The following PRX variants were observed in gnomAD, a reference collection of about 807,000 sequenced individuals.
PRX encodes the protein periaxin.
A neutral mutation model predicts 29.6 loss-of-function variants in PRX; 24 were observed. The ratio of observed to expected loss-of-function variants is 0.81; its 90% CI spans 0.59 to 1.14. The LOEUF is 1.14. Ranked by LOEUF, PRX falls within the 50% of genes most tolerant of loss-of-function variation. PRX has a pLI of 0.00. For missense variants in PRX, 1,838 were observed against 1,926.4 expected, an observed-to-expected ratio of 0.95 and a Z score of 0.86; for synonymous variants, 772 against 831.7, an observed-to-expected ratio of 0.93 and a Z score of 1.24.
chr19:40,401,487 GCA>G (rs1467914508), intron 5 of PRX, among the ~76,000 whole-genome samples: 1 of 152,128 alleles, frequency 6.6e-6, no homozygotes, highest in African/African-American at 2.4e-5. Flanking sequence ...CAGCAGTTCA[GCA>G]CAGTCAATTC....
Position 40,394,484 on chromosome 19 carries a change from C to T in PRX, c.3868G>A (p.Glu1290Lys), listed in dbSNP as rs773955274. ...CCCTCCCCCTCTGCCACCTGGTACTCGGCATGGTTGCCCCCGGATGGCGAG... is the reference window on the plus strand; with the variant it reads ...CCCTCCCCCTCTGCCACCTGGTACTTGGCATGGTTGCCCCCGGATGGCGAG... ...ELSPSGGNHA[E>K]YQVAEGEGEA... Residue 1290 changes from glutamate to lysine, a missense_variant, in exon 7 of 7, where the codon GAG becomes AAG. By Grantham distance (56) the Glu-to-Lys change is moderately conservative. Around this residue, in one of 3 missense-constraint regions of PRX, gnomAD observed 1,143 missense variants for 1,193.0 expected, o/e 0.96. Coordinates refer to ENST00000324001, the MANE Select transcript of PRX (RefSeq NM_181882.3). This position sits in a 1 kb window ranked among gnomAD's most constrained non-coding sequence, Gnocchi z 5.8. 8.1e-6 allele frequency: 13 copies of T among 1,601,004 alleles called. No homozygotes were observed. Among genetic ancestry groups the T allele is most frequent in the South Asian group, 3.4e-5 (3 of 89,356 alleles).
rs765210929 is a variant in PRX at position 40,397,908 on chromosome 19, G to A, written c.444C>T (p.Pro148=). 8.1e-6 allele frequency: 13 copies of A among 1,612,558 alleles called. No homozygotes were observed. Among genetic ancestry groups the A allele is most frequent in the Middle Eastern group, 1.6e-4 (1 of 6,084 alleles). ...CGACGTCAACAGGGGCCAGGTCAGC[G>A]GGGACCCCCAGAGCCCCAGGCACCA... The part of the protein sequence containing the change: ...KKMVPGALGV[P]ADLAPVDVEF... Residue 148 remains proline (P), a synonymous_variant, in exon 7 of 7, where the codon CCC becomes CCT. Transcript: ENST00000324001.
Position 40,397,607 on chromosome 19 carries a change from GGACACCCACCTC to G in PRX, c.733_744del (p.Glu245_Val248del). The G allele has an allele frequency of 1.3e-6, 2 of 1,541,470 alleles. No homozygotes were observed. Among genetic ancestry groups the G allele is most frequent in the South Asian group, 2.4e-5 (2 of 84,284 alleles). Reference sequence around the variant, plus strand: ...GCAGCCTTGGGGGCTGAGACCTGGGGGACACCCACCTCCGCCCCTGGCAGCCGCGGCCCAACC... The same window carrying G: ...GCAGCCTTGGGGGCTGAGACCTGGGGCGCCCCTGGCAGCCGCGGCCCAACC... On this transcript the variant is annotated inframe_deletion, in exon 7 of 7. Coordinates refer to ENST00000324001, the MANE Select transcript of PRX (RefSeq NM_181882.3).
chr19:40,402,532 G>T (rs577150693), intron 5 of PRX, among the ~76,000 whole-genome samples: 1 of 151,690 alleles, frequency 6.6e-6, no homozygotes, highest in East Asian at 2.0e-4. Context: ...AGCACTTTGG[G>T]AGGCCGAGGC....
intron 4 of PRX, among the ~76,000 whole-genome samples, chr19:40,407,040 C>T (rs751111580): frequency 1.3e-5 from 2 of 151,940 alleles, no homozygotes; most frequent in Non-Finnish European, 2.9e-5. Flanking sequence ...TCCCGAAGTG[C>T]TGGGATTATA....
rs2145734620 is a variant in PRX, at chr19:40,398,966, G to T, written c.185-150C>A. On this transcript the variant is annotated intron_variant, in intron 5 of 6. Coordinates refer to ENST00000324001, the MANE Select transcript of PRX (RefSeq NM_181882.3). This position sits in a 1 kb window ranked among gnomAD's most constrained non-coding sequence, Gnocchi z 6.3. ...CAGCGCAGGATTAAGTCGCAGTTACGCTAGTCCCCGCCCCATGACCTTATC... is the reference window on the plus strand; with the variant it reads ...CAGCGCAGGATTAAGTCGCAGTTACTCTAGTCCCCGCCCCATGACCTTATC... 3 of 1,479,518 alleles carry T rather than the reference G, an allele frequency of 2.0e-6. No homozygotes were observed. The highest frequency in any genetic ancestry group is 2.5e-5 in the East Asian group (1 of 40,340). 91.6% of individuals were successfully genotyped at this position (1,479,518 alleles called of 1,614,324 possible).
chr19:40,403,031 G>A (rs2079507135), intron 5 of PRX, among the ~76,000 whole-genome samples: 2 of 151,814 alleles, frequency 1.3e-5, no homozygotes, highest in Non-Finnish European at 1.5e-5. Flanking sequence ...TTAGCCGGGC[G>A]TGGTGGAGGG....
Position 40,394,501 on chromosome 19 carries a change from G to T in PRX, c.3851C>A (p.Ser1284Tyr), listed in dbSNP as rs886188493. 1 of 1,599,802 alleles carries T rather than the reference G, an allele frequency of 6.3e-7. No homozygotes were observed. The stretch of plus-strand genomic sequence containing the variant: ...CTGGTACTCGGCATGGTTGCCCCCG[G>T]ATGGCGAGAGCTCCACGTCGGGCAG... ...LSLPDVELSPSGGNHAEYQVA... is the reference protein window; with the variant it reads ...LSLPDVELSPYGGNHAEYQVA... Residue 1284 changes from serine (S) to tyrosine (Y), a missense_variant, in exon 7 of 7, where the codon TCC becomes TAC. Ser to Tyr is a moderately radical substitution (Grantham distance 144). Around this residue, in one of 3 missense-constraint regions of PRX, gnomAD observed 1,143 missense variants for 1,193.0 expected, o/e 0.96. Coordinates refer to ENST00000324001, the MANE Select transcript of PRX (RefSeq NM_181882.3). This position sits in a 1 kb window ranked among gnomAD's most constrained non-coding sequence, Gnocchi z 5.8.
chr19:40,402,076 G>C (rs941662578), intron 5 of PRX, among the ~76,000 whole-genome samples: 1 of 152,160 alleles, frequency 6.6e-6, no homozygotes, highest in African/African-American at 2.4e-5. Context: ...CTGTAGGCCG[G>C]CCTCGGTGGC....
Position 40,395,653 on chromosome 19 carries a change from G to A in PRX, c.2699C>T (p.Ser900Phe). ...CAGCTGTGGGGTGACAATTTCAACA[G>A]AGGGCACTCGGAAGCCCACTTCCCT... ...GVREVGFRVP[S>F]VEIVTPQLPA... Residue 900 changes from serine (S) to phenylalanine (F), a missense_variant, in exon 7 of 7, where the codon TCT becomes TTT. Around this residue, in one of 3 missense-constraint regions of PRX, gnomAD observed 1,143 missense variants for 1,193.0 expected, o/e 0.96. Transcript: ENST00000324001. 6.2e-7 allele frequency: 1 copy of A among 1,614,164 alleles called. No homozygotes were observed. Among genetic ancestry groups the A allele is most frequent in the Non-Finnish European group, 8.5e-7 (1 of 1,180,034 alleles).
In PRX at chr19:40,398,901, G is replaced by T. The variant is rs549250608; in HGVS notation, c.185-85C>A. On this transcript the variant is annotated intron_variant, in intron 5 of 6. Transcript: ENST00000324001. This position sits in a 1 kb window ranked among gnomAD's most constrained non-coding sequence, Gnocchi z 6.3. ...TTCTGCCCACTTGCACGGAGCCCTCGCGGTGAGGACCCGCCCCAAATTTTA... is the reference window on the plus strand; with the variant it reads ...TTCTGCCCACTTGCACGGAGCCCTCTCGGTGAGGACCCGCCCCAAATTTTA... 3.2e-4 allele frequency: 510 copies of T among 1,592,506 alleles called. 1 individual carries two copies. Among genetic ancestry groups the T allele is most frequent in the Non-Finnish European group, 1.2e-4 (135 of 1,169,034 alleles).
rs1244814619 is a variant in PRX at position 40,398,538 on chromosome 19, C to T, written c.381+82G>A. 2 of 1,592,538 alleles carry T rather than the reference C, an allele frequency of 1.3e-6. No individual in the cohort carries two copies. Among genetic ancestry groups the T allele is most frequent in the East Asian group, 2.2e-5 (1 of 44,520 alleles). ...CAAGACAGAGGGCAAGGCTGGCCCA[C>T]GATGGCGGGGAATGGGGCTCACGGC... On this transcript the variant is annotated intron_variant, in intron 6 of 6. Coordinates refer to ENST00000324001, the MANE Select transcript of PRX (RefSeq NM_181882.3). The surrounding 1 kb of genome is among the most constrained non-coding windows in gnomAD (Gnocchi z 6.3).
In PRX at chr19:40,396,133, A is replaced by C; in HGVS notation, c.2219T>G (p.Val740Gly). 6.2e-7 allele frequency: 1 copy of C among 1,613,872 alleles called. No individual in the cohort carries two copies. ...PKVPEMAVPDVHLPEVQLPKV... is the reference protein window; with the variant it reads ...PKVPEMAVPDGHLPEVQLPKV... ...CGGCAGCTGCACCTCGGGGAGGTGC[A>C]CATCGGGCACAGCCATCTCAGGCAC... The change falls in exon 7 of 7, where the codon GTG (valine) becomes GGG (glycine). Residue 740 changes from valine (V) to glycine (G), a missense_variant. Val to Gly is a moderately radical substitution (Grantham distance 109). This residue lies in a region of PRX where 1,143 missense variants were observed against 1,193.0 expected (regional missense o/e 0.96). Coordinates refer to ENST00000324001, the MANE Select transcript of PRX (RefSeq NM_181882.3).
chr19:40,409,632 C>T (rs1386974461), intron 1 of PRX, among the ~76,000 whole-genome samples: 1 of 152,062 alleles, frequency 6.6e-6, no homozygotes, highest in African/African-American at 2.4e-5. Flanking sequence ...ACCACCACGC[C>T]TGGCTACTTT....
chr19:40,397,892 C>G lies in PRX; in HGVS notation c.460G>C (p.Val154Leu). ...ALGVPADLAPVDVEFSFPKFS... is the reference protein window; with the variant it reads ...ALGVPADLAPLDVEFSFPKFS... ...TTGGGAAAGGAGAACTCGACGTCAA[C>G]AGGGGCCAGGTCAGCGGGGACCCCC... is the stretch of plus-strand genomic sequence containing the variant. The change falls in exon 7 of 7, where the codon GTT becomes CTT. Residue 154 changes from valine to leucine, a missense_variant. Physicochemically the swap from Val to Leu is conservative, Grantham distance 32. Around this residue, in one of 3 missense-constraint regions of PRX, gnomAD observed 666 missense variants for 665.0 expected, o/e 1.00. Coordinates refer to ENST00000324001, the MANE Select transcript of PRX (RefSeq NM_181882.3). The G allele has an allele frequency of 6.2e-7, 1 of 1,612,028 alleles. No individual in the cohort carries two copies. Among genetic ancestry groups the G allele is most frequent in the Non-Finnish European group, 8.5e-7 (1 of 1,179,124 alleles).
Position 40,396,540 on chromosome 19 carries a change from T to G in PRX, c.1812A>C (p.Gln604His). The part of the protein sequence containing the change: ...KLPEMKLPEV[Q>H]LPKVPEMAVP... ...CGGCCATCTCGGGCACCTTCGGGAG[T>G]TGCACTTCAGGGAGTTTCATCTCAG... The change falls in exon 7 of 7, where the codon CAA (glutamine) becomes CAC (histidine). Residue 604 changes from glutamine (Q) to histidine (H), a missense_variant. By Grantham distance (24) the Gln-to-His change is conservative (BLOSUM62 0). This residue lies in a region of PRX where 1,143 missense variants were observed against 1,193.0 expected (regional missense o/e 0.96). Transcript: ENST00000324001. 1.9e-6 allele frequency: 3 copies of G among 1,613,542 alleles called. No individual in the cohort carries two copies. Among genetic ancestry groups the G allele is most frequent in the Non-Finnish European group, 2.5e-6 (3 of 1,179,910 alleles).
chr19:40,405,662 G>A (rs113506106), intron 4 of PRX, among the ~76,000 whole-genome samples: 44 of 131,408 alleles, frequency 3.3e-4, no homozygotes, highest in African/African-American at 1.2e-3. Flanking sequence ...TTTTTGAGGC[G>A]GAGTCTCGCT....
intron 5 of PRX, among the ~76,000 whole-genome samples, chr19:40,400,532 C>T (rs1477380082): frequency 3.0e-5 from 4 of 131,956 alleles, no homozygotes; most frequent in Admixed American, 1.8e-4. Context: ...GCGGAGGTTG[C>T]GGTGAGCTGA....
rs770161569 is a variant in PRX, at chr19:40,396,945, C to T, written c.1407G>A (p.Glu469=). The T allele has an allele frequency of 4.3e-6, 7 of 1,614,110 alleles. No individual in the cohort carries two copies. The highest frequency in any genetic ancestry group is 5.9e-6 in the Non-Finnish European group (7 of 1,180,048). Residue 469 remains glutamate, a synonymous_variant, in exon 7 of 7, where the codon GAG becomes GAA. Transcript: ENST00000324001. ...GTTTCATCTCTGACACCTTGGGGAGCTCCACCTCTGGGAGTCGAACCTCTG... is the reference window on the plus strand; with the variant it reads ...GTTTCATCTCTGACACCTTGGGGAGTTCCACCTCTGGGAGTCGAACCTCTG... ...ALPEVRLPEV[E]LPKVSEMKLP...
Sources: gnomAD v4.1 joint callset for allele counts (sites outside exome capture counted in the v4.1 genomes callset) on GRCh38, gnomAD v4.1.1 for gene constraint, gnomAD v4.1.1 regional missense constraint, Gnocchi (gnomAD v3.1) non-coding constraint, MANE v1.5 for transcripts, NCBI Gene and HGNC (gene_info 2026-07-23, HGNC 2026-07-21) for gene names.